CERT1: variants seen among roughly 807,000 people sequenced by gnomAD.
The protein encoded by CERT1 is ceramide transfer protein.
In CERT1, 31 loss-of-function variants were observed where a neutral mutation model predicts 87.9. The observed-to-expected ratio is 0.35, with a 90% CI of 0.27 to 0.48. The LOEUF (loss-of-function observed/expected upper bound fraction) is 0.48. CERT1 is among the 20% of genes least tolerant of loss of function. The probability of loss-of-function intolerance (pLI) is 0.99; values close to 1 mark genes in which losing one functional copy is unlikely to be tolerated. For missense variants in CERT1, 487 were observed against 758.0 expected, an observed-to-expected ratio of 0.64 and a Z score of 4.20; for synonymous variants, 289 against 250.9, an observed-to-expected ratio of 1.15 and a Z score of -1.44.
chr5:75,416,833 C>A (rs538289809), intron 7 of CERT1, 43 bp downstream of exon 7: 1 of 1,505,540 alleles, frequency 6.6e-7, no homozygotes, highest in Non-Finnish European at 9.0e-7. Flanking sequence ...ATACGTAAAA[C>A]TTAAATGTGA....
chr5:75,490,492 A>G (rs1394967206), intron 2 of CERT1, among the ~76,000 whole-genome samples: 2 of 147,452 alleles, frequency 1.4e-5, no homozygotes, highest in African/African-American at 5.0e-5. Flanking sequence ...ACCTGTACGA[A>G]ATTTTTATTT....
chr5:75,472,589 TA>T (rs1351631107), intron 2 of CERT1, among the ~76,000 whole-genome samples: 6 of 151,818 alleles, frequency 4.0e-5, no homozygotes, highest in Non-Finnish European at 5.9e-5. Flanking sequence ...ATAACCCAAT[TA>T]AAAAAATGCA....
intron 3 of CERT1, among the ~76,000 whole-genome samples, chr5:75,428,631 T>C (rs1026428670): frequency 2.6e-5 from 4 of 151,772 alleles, no homozygotes; most frequent in East Asian, 1.9e-4. Flanking sequence ...TGAGCTGAGA[T>C]TGCGCCACTG....
At chr5:75,435,672 C>T (rs182967498) in intron 3 of CERT1, among the ~76,000 whole-genome samples, 5 of 152,224 alleles carry the variant, frequency 3.3e-5, no homozygotes, top group Non-Finnish European at 7.4e-5. Context: ...GGTTTCGTTT[C>T]TGGACACTTT....
chr5:75,453,601 TA>T (rs1235361890), intron 3 of CERT1, among the ~76,000 whole-genome samples: 1 of 152,158 alleles, frequency 6.6e-6, no homozygotes, highest in East Asian at 1.9e-4. Context: ...TTGGACAAAT[TA>T]TTTCACCTCT....
chr5:75,447,445 A>AATTTATTTATTTATTTATTTATTT (rs376050463), intron 3 of CERT1, among the ~76,000 whole-genome samples: 11 of 148,924 alleles, frequency 7.4e-5, no homozygotes, highest in South Asian at 2.1e-4. Flanking sequence ...TTTTAAAAAA[A>AATTTATTTATTTATTTATTTATTT]ATTTATTTAT....
intron 2 of CERT1, among the ~76,000 whole-genome samples, chr5:75,462,545 G>T (rs1309930263): frequency 6.6e-6 from 1 of 152,158 alleles, no homozygotes; most frequent in Non-Finnish European, 1.5e-5. Context: ...CCATGGACTG[G>T]TACTGGTCTG....
At chr5:75,385,722 A>T (rs1425899573) in intron 13 of CERT1, among the ~76,000 whole-genome samples, 180 bp downstream of exon 13, 1 of 152,234 alleles carries the variant, frequency 6.6e-6, no homozygotes, top group Non-Finnish European at 1.5e-5. Context: ...CAAATTACAT[A>T]CTAGGAAGCA....
At chr5:75,482,239 T>C (rs941992750) in intron 2 of CERT1, among the ~76,000 whole-genome samples, 2 of 152,118 alleles carry the variant, frequency 1.3e-5, no homozygotes, top group African/African-American at 2.4e-5. Flanking sequence ...TAAAGAGCCC[T>C]TGGACCTTGA....
At chr5:75,408,654 T>TA (rs1453773571) in intron 8 of CERT1, among the ~76,000 whole-genome samples, 6 of 152,126 alleles carry the variant, frequency 3.9e-5, no homozygotes, top group Admixed American at 6.5e-5. Flanking sequence ...GGGTGAGAGT[T>TA]AAAAAATTAG....
intron 2 of CERT1, among the ~76,000 whole-genome samples, chr5:75,486,313 C>A (rs899623978): frequency 6.6e-6 from 1 of 151,932 alleles, no homozygotes; most frequent in East Asian, 1.9e-4. Flanking sequence ...ATGATAAAAA[C>A]CCTCACAAAA....
rs1283406150 is a variant in CERT1 at position 75,389,632 on chromosome 5, T to A, written c.1244A>T (p.Asp415Val). ...MTYSLQDVGG[D>V]ANWQLVVEEG... ...TTCTACAACCAACTGCCAATTGGCA[T>A]CTCCGCCTACATCCTGTAATGAGTA... Residue 415 changes from aspartate (D) to valine (V), a missense_variant, in exon 12 of 17, where the codon GAT (aspartate) becomes GTT (valine). Asp to Val is a radical substitution (Grantham distance 152). Around this residue, in one of 8 missense-constraint regions of CERT1, gnomAD observed 147 missense variants for 200.8 expected, o/e 0.73. Coordinates refer to ENST00000643780, the MANE Select transcript of CERT1 (RefSeq NM_001379029.1). 1.2e-6 allele frequency: 2 copies of A among 1,613,974 alleles called. No individual in the cohort carries two copies. Among genetic ancestry groups the A allele is most frequent in the East Asian group, 4.5e-5 (2 of 44,872 alleles).
At chr5:75,422,915 T>G (rs571730086) in intron 5 of CERT1, among the ~76,000 whole-genome samples, 5 of 152,300 alleles carry the variant, frequency 3.3e-5, no homozygotes, top group Non-Finnish European at 7.4e-5. Context: ...AGGCTACCTA[T>G]AAGCCAAGGA....
At position 75,511,310 on chromosome 5, in the gene CERT1, G is replaced by C. The variant is rs752835961; in HGVS notation, c.-103C>G. 6.4e-7 allele frequency: 1 copy of C among 1,552,664 alleles called. No individual in the cohort carries two copies. The highest frequency in any genetic ancestry group is 1.2e-5 in the South Asian group (1 of 84,558). The stretch of plus-strand genomic sequence containing the variant: ...AAGGGTCGGGGGATGGCGAAGCGAA[G>C]AGTGCCCGCTCCGGTGTGGGGGGGA... On this transcript the variant is annotated 5_prime_UTR_variant, in exon 1 of 17. Transcript: ENST00000643780.
At chr5:75,492,013 T>A (rs1403698013) in intron 2 of CERT1, among the ~76,000 whole-genome samples, 1 of 152,146 alleles carries the variant, frequency 6.6e-6, no homozygotes, top group Admixed American at 6.5e-5. Flanking sequence ...GCACAACACA[T>A]GTCATAGTTG....
At chr5:75,478,908 C>A (rs1205481698) in intron 2 of CERT1, among the ~76,000 whole-genome samples, 4 of 10,806 alleles carry the variant, frequency 3.7e-4, no homozygotes, top group East Asian at 2.4e-3. Flanking sequence ...AAAGTAAGTA[C>A]TAAAAAAAAA....
At chr5:75,483,442 T>A (rs951160660) in intron 2 of CERT1, among the ~76,000 whole-genome samples, 2 of 150,288 alleles carry the variant, frequency 1.3e-5, no homozygotes, top group African/African-American at 2.5e-5. Flanking sequence ...AAATAGAGAG[T>A]GAGGTGAAGG....
intron 1 of CERT1, among the ~76,000 whole-genome samples, chr5:75,509,839 T>C (rs1767836562): frequency 6.6e-6 from 1 of 152,170 alleles, no homozygotes; most frequent in Admixed American, 6.5e-5. Context: ...GATTCCTAAA[T>C]TACAGGATAC....
At chr5:75,472,868 T>TA (rs1054639928) in intron 2 of CERT1, among the ~76,000 whole-genome samples, 11 of 151,088 alleles carry the variant, frequency 7.3e-5, no homozygotes, top group East Asian at 1.9e-4. Context: ...CTCGAAAAAT[T>TA]AAAAAAAAAC....
Sources: gnomAD v4.1 joint callset for allele counts (sites outside exome capture counted in the v4.1 genomes callset) on GRCh38, gnomAD v4.1.1 for gene constraint, gnomAD v4.1.1 regional missense constraint, MANE v1.5 for transcripts, NCBI Gene and HGNC (gene_info 2026-07-23, HGNC 2026-07-21) for gene names.